The following CHID1 variants were observed in gnomAD, a reference collection of about 807,000 sequenced individuals.
CHID1 encodes the protein chitinase domain-containing protein 1.
CHID1 carries 44 observed loss-of-function variants against 55.4 expected under a neutral mutation model. That is an observed-to-expected ratio of 0.79 (90% CI 0.62 to 1.02). The LOEUF (loss-of-function observed/expected upper bound fraction) is 1.02. Among genes scored for constraint, CHID1 ranks in the 50% least tolerant of loss-of-function variants. The probability of loss-of-function intolerance (pLI) is 0.00; values close to 1 mark genes in which losing one functional copy is unlikely to be tolerated. For synonymous variants in CHID1, 216 were observed against 212.9 expected (o/e 1.01, Z -0.13); for missense variants, 491 against 515.3 (o/e 0.95, Z 0.46).
upstream of CHID1, among the ~76,000 whole-genome samples, chr11:912,635 G>A (rs1238928564): frequency 6.6e-6 from 1 of 152,120 alleles, no homozygotes; most frequent in Non-Finnish European, 1.5e-5. Flanking sequence ...ACAAGGTCAG[G>A]AGATCGAGAC....
chr11:904,117 C>T (rs777789386), intron 2 of CHID1, among the ~76,000 whole-genome samples: 84 of 152,350 alleles, frequency 5.5e-4, no homozygotes, highest in Non-Finnish European at 7.1e-4. Context: ...CCCTTGACCT[C>T]GCCCCAAGCG....
At chr11:885,431 G>A (rs1020211034) in intron 8 of CHID1, among the ~76,000 whole-genome samples, 3 of 152,202 alleles carry the variant, frequency 2.0e-5, no homozygotes, top group Admixed American at 6.5e-5. Flanking sequence ...ACCCCAGGCT[G>A]TCCCGGCCTG....
intron 12 of CHID1, 66 bp from the exon 13 acceptor site, chr11:870,022 C>A: frequency 6.2e-7 from 1 of 1,608,086 alleles, no homozygotes. Flanking sequence ...GGATGTCCTC[C>A]AGGCCGAGGG....
intron 10 of CHID1, among the ~76,000 whole-genome samples, chr11:878,007 C>G (rs1016532733): frequency 2.0e-5 from 3 of 152,260 alleles, no homozygotes; most frequent in Non-Finnish European, 4.4e-5. Context: ...GCAGCTCGCT[C>G]AGACCCTGTA....
chr11:872,562 C>T (rs1164332657), intron 10 of CHID1, among the ~76,000 whole-genome samples: 2 of 152,202 alleles, frequency 1.3e-5, no homozygotes, highest in African/African-American at 4.8e-5. Context: ...TGGGCCAGGC[C>T]CCTCAATGGC....
chr11:901,202 C>A (rs1288595748), intron 4 of CHID1, among the ~76,000 whole-genome samples: 1 of 152,174 alleles, frequency 6.6e-6, no homozygotes, highest in African/African-American at 2.4e-5. Context: ...CCCTTCCTGA[C>A]CCTGCAGAGC....
intron 8 of CHID1, among the ~76,000 whole-genome samples, chr11:891,509 C>T (rs1172385506): frequency 6.6e-6 from 1 of 152,220 alleles, no homozygotes; most frequent in African/African-American, 2.4e-5. Context: ...CAGCAGAAGA[C>T]AGGCACCTGG....
At chr11:898,046 C>T (rs1187122696) in intron 7 of CHID1, among the ~76,000 whole-genome samples, 1 of 152,190 alleles carries the variant, frequency 6.6e-6, no homozygotes, top group Non-Finnish European at 1.5e-5. Context: ...GGAGGAGCGG[C>T]AGGGCTGCAG....
chr11:882,564 G>A (rs1850047099), intron 10 of CHID1: 1 of 152,812 alleles, frequency 6.5e-6, no homozygotes, highest in Non-Finnish European at 1.5e-5. Context: ...TTCAAAACCA[G>A]CCATAAATAC....
At chr11:894,127 A>C in intron 7 of CHID1, among the ~76,000 whole-genome samples, 1 of 133,342 alleles carries the variant, frequency 7.5e-6, no homozygotes, top group Non-Finnish European at 1.5e-5. Context: ...GTCTCAAAAA[A>C]AAAAAAAAAA....
At chr11:901,987 A>G (rs1851843058) in intron 4 of CHID1, among the ~76,000 whole-genome samples, 1 of 152,050 alleles carries the variant, frequency 6.6e-6, no homozygotes, top group South Asian at 2.1e-4. Context: ...CGACAGTCAC[A>G]TTCAACACAC....
At chr11:899,270 C>A in intron 7 of CHID1, 70 bp downstream of exon 7, 1 of 1,483,446 alleles carries the variant, frequency 6.7e-7, no homozygotes, top group South Asian at 1.2e-5. Context: ...AACCCCTGGT[C>A]TTTCCTCCAG....
intron 8 of CHID1, among the ~76,000 whole-genome samples, chr11:885,878 C>G (rs554809462): frequency 6.6e-6 from 1 of 152,228 alleles, no homozygotes; most frequent in Non-Finnish European, 1.5e-5. Flanking sequence ...ATGGGCCGGG[C>G]GCAGTGGCTC....
At chr11:888,332 C>T (rs1320657558) in intron 8 of CHID1, among the ~76,000 whole-genome samples, 1 of 152,232 alleles carries the variant, frequency 6.6e-6, no homozygotes, top group East Asian at 1.9e-4. Flanking sequence ...TGCCAACCCC[C>T]ACCTGGTGCT....
In CHID1 at chr11:899,372, C is replaced by T; in HGVS notation, c.576G>A (p.Glu192=). 7.5e-6 allele frequency: 12 copies of T among 1,605,218 alleles called. No individual in the cohort carries two copies. Among genetic ancestry groups the T allele is most frequent in the Non-Finnish European group, 1.0e-5 (12 of 1,175,882 alleles). The change falls in exon 7 of 13, where the codon GAG becomes GAA. Residue 192 remains glutamate, a synonymous_variant. Transcript: ENST00000323578. The stretch of plus-strand genomic sequence containing the variant: ...TCTGGCTTAGCAGCTGGTTCCAGAC[C>T]TCCACCACGAAGCCATCGAAATGCT... The part of the protein sequence containing the change: ...KNQHFDGFVV[E]VWNQLLSQKR...
intron 7 of CHID1, among the ~76,000 whole-genome samples, chr11:896,064 G>A (rs1334583399): frequency 6.6e-6 from 1 of 151,680 alleles, no homozygotes; most frequent in African/African-American, 2.4e-5. Context: ...CTGACACAAC[G>A]AGGCCGTCTC....
chr11:910,611 C>T (rs917657178), intron 1 of CHID1, 164 bp downstream of exon 1: 7 of 1,251,826 alleles, frequency 5.6e-6, no homozygotes, highest in South Asian at 1.3e-5. Context: ...TCTCACACGC[C>T]CCCTCACACA....
chr11:884,086 T>A lies in CHID1; in HGVS notation c.785A>T (p.Asp262Val), dbSNP rs1487507985. The change falls in exon 9 of 13, where the codon GAC becomes GTC. Residue 262 changes from aspartate (D) to valine (V), a missense_variant. By Grantham distance (152) the Asp-to-Val change is radical. Coordinates refer to ENST00000323578, the MANE Select transcript of CHID1 (RefSeq NM_023947.4). Reference sequence around the variant, plus strand: ...CACTCACTGATGCGCTGTAGAGTAGTCGTAGGTCATGAGGCTGAAACCATC... The same window carrying A: ...CACTCACTGATGCGCTGTAGAGTAGACGTAGGTCATGAGGCTGAAACCATC... Reference protein sequence around the residue: ...VLDGFSLMTYDYSTAHQPGPN... With the variant: ...VLDGFSLMTYVYSTAHQPGPN... 2 of 1,613,844 alleles carry A rather than the reference T, an allele frequency of 1.2e-6. No individual in the cohort carries two copies. The highest frequency in any genetic ancestry group is 2.7e-5 in the African/African-American group (2 of 74,900).
At chr11:910,575 CCT>C (rs2134395330) in intron 1 of CHID1, 198 bp downstream of exon 1, 4 of 1,165,868 alleles carry the variant, frequency 3.4e-6, no homozygotes, top group Non-Finnish European at 4.3e-6. Flanking sequence ...TCATAGCAAC[CCT>C]CTCTCACCCT....
Sources: gnomAD v4.1 joint callset for allele counts (sites outside exome capture counted in the v4.1 genomes callset) on GRCh38, gnomAD v4.1.1 for gene constraint, MANE v1.5 for transcripts, NCBI Gene and HGNC (gene_info 2026-07-23, HGNC 2026-07-21) for gene names.